The following GRIP1 variants were observed in gnomAD, a reference collection of about 807,000 sequenced individuals.
The protein encoded by GRIP1 is glutamate receptor-interacting protein 1.
In GRIP1, 45 loss-of-function variants were observed where a neutral mutation model predicts 129.9. The observed-to-expected ratio is 0.35, with a 90% confidence interval of 0.27 to 0.44. The LOEUF is 0.44. Among genes scored for constraint, GRIP1 ranks in the 20% least tolerant of loss-of-function variants. The pLI is 1.00. For missense variants in GRIP1, 1,196 were observed against 1,396.8 expected (o/e 0.86, Z 2.29); for synonymous variants, 530 against 520.8 (o/e 1.02, Z -0.24).
At chr12:66,844,885 C>A (rs2039785907) in intron 1 of GRIP1, among the ~76,000 whole-genome samples, 1 of 152,076 alleles carries the variant, frequency 6.6e-6, no homozygotes, top group African/African-American at 2.4e-5. Context: ...CACATGATTC[C>A]ATTTATATGA....
chr12:66,462,973 C>T lies in GRIP1; in HGVS notation c.993G>A (p.Glu331=). Residue 331 remains glutamate, a synonymous_variant, in exon 9 of 25, where the codon GAG becomes GAA. Coordinates refer to ENST00000359742, the MANE Select transcript of GRIP1 (RefSeq NM_001366722.1). The part of the protein sequence containing the change: ...LANTTDQVKL[E]ILPHHQTRLA... ...GCCGGGTCTGATGATGGGGAAGGAT[C>T]TCAAGCTTGACCTGGTCAGTGGTGT... The T allele has an allele frequency of 6.2e-7, 1 of 1,614,026 alleles. No individual in the cohort carries two copies. The highest frequency in any genetic ancestry group is 8.5e-7 in the Non-Finnish European group (1 of 1,179,998).
intron 1 of GRIP1, among the ~76,000 whole-genome samples, chr12:66,958,674 C>T (rs889854854): frequency 4.6e-5 from 7 of 152,130 alleles, no homozygotes; most frequent in African/African-American, 1.7e-4. Flanking sequence ...GCATAATATT[C>T]CACTGTGTGG....
At chr12:66,440,499 C>T (rs2058443045) in intron 13 of GRIP1, among the ~76,000 whole-genome samples, 1 of 152,186 alleles carries the variant, frequency 6.6e-6, no homozygotes, top group South Asian at 2.1e-4. Context: ...CATCTTTCTA[C>T]TCTCTGTCTC....
rs1010196266 is a variant in GRIP1 at position 66,412,179 on chromosome 12, T to C, written c.1839-5751A>G. Among the ~76,000 whole-genome samples the C allele has an allele frequency of 3.9e-5, 6 of 152,126 alleles. No individual in the cohort carries two copies. The East Asian group carries it at 7.7e-4, about 20-fold the overall frequency. ...AGATCAACCCCAAGACACATAATCG[T>C]TGGATTCTCCAAGGTCGAAATGAAA... On this transcript the variant is annotated intron_variant, in intron 15 of 24. Transcript: ENST00000359742.
At chr12:66,707,504 A>G (rs1203706989) in intron 1 of GRIP1, among the ~76,000 whole-genome samples, 8 of 54,960 alleles carry the variant, frequency 1.5e-4, no homozygotes, top group African/African-American at 4.7e-4. Context: ...ATCACTGACT[A>G]AAAAAAAAAA....
intron 1 of GRIP1, among the ~76,000 whole-genome samples, chr12:66,749,997 T>C (rs989115791): frequency 2.0e-5 from 3 of 152,216 alleles, no homozygotes; most frequent in Admixed American, 1.3e-4. Flanking sequence ...TGAGGTAATC[T>C]GTACTGATTC....
At chr12:67,039,363 T>C (rs189340390) in intron 1 of GRIP1, among the ~76,000 whole-genome samples, 1 of 152,262 alleles carries the variant, frequency 6.6e-6, no homozygotes, top group Admixed American at 6.5e-5. Flanking sequence ...ACAAAAAAAA[T>C]TCTAAATAGT....
At chr12:66,528,137 T>TTTTTTTTTG (rs1565829926) in intron 5 of GRIP1, among the ~76,000 whole-genome samples, 8 of 98,166 alleles carry the variant, frequency 8.1e-5, no homozygotes, top group South Asian at 3.4e-4. Flanking sequence ...TTAGTAGGTT[T>TTTTTTTTTG]TTTTTTTTTT....
intron 1 of GRIP1, among the ~76,000 whole-genome samples, chr12:66,859,807 G>A (rs1030375127): frequency 2.0e-5 from 3 of 152,066 alleles, no homozygotes; most frequent in African/African-American, 7.2e-5. Context: ...ACACTAACTA[G>A]CAGGCAGCAC....
chr12:66,823,238 C>T (rs2039351742), intron 1 of GRIP1, among the ~76,000 whole-genome samples: 1 of 152,092 alleles, frequency 6.6e-6, no homozygotes, highest in Non-Finnish European at 1.5e-5. Flanking sequence ...ATGTAAATAT[C>T]TTGAATATCA....
intron 1 of GRIP1, among the ~76,000 whole-genome samples, chr12:66,936,504 A>G (rs118099430): frequency 0.017 from 2,502 of 149,948 alleles, 40 homozygotes; most frequent in Middle Eastern, 0.046. Flanking sequence ...CTGGTCCTTT[A>G]TGTCTCTTCA....
At chr12:66,371,158 A>T (rs1363693668) in intron 23 of GRIP1, among the ~76,000 whole-genome samples, 6 of 134,988 alleles carry the variant, frequency 4.4e-5, no homozygotes, top group Non-Finnish European at 7.8e-5. Context: ...GCCATAAATA[A>T]TTTTTTTTTT....
intron 1 of GRIP1, among the ~76,000 whole-genome samples, chr12:66,915,249 T>A (rs951158318): frequency 2.6e-5 from 4 of 152,096 alleles, no homozygotes; most frequent in African/African-American, 9.7e-5. Context: ...ACTGACTAAG[T>A]GAGGAAAATG....
intron 2 of GRIP1, among the ~76,000 whole-genome samples, chr12:66,555,736 A>T (rs1012167410): frequency 6.6e-6 from 1 of 152,124 alleles, no homozygotes; most frequent in Admixed American, 6.5e-5. Flanking sequence ...AATTAAAAAG[A>T]ATTGAGCAGA....
chr12:66,642,445 A>G (rs2032019952), intron 1 of GRIP1, among the ~76,000 whole-genome samples: 1 of 151,790 alleles, frequency 6.6e-6, no homozygotes, highest in Non-Finnish European at 1.5e-5. Context: ...GGGCAGAGAG[A>G]GAAATTGAAG....
At chr12:66,478,120 A>T (rs1476671373) in intron 7 of GRIP1, among the ~76,000 whole-genome samples, 2 of 152,242 alleles carry the variant, frequency 1.3e-5, no homozygotes, top group Admixed American at 1.3e-4. Context: ...AATTTTTGCA[A>T]TCTACCCATC....
At chr12:66,639,271 T>C (rs4587801) in intron 1 of GRIP1, among the ~76,000 whole-genome samples, 29,967 of 151,914 alleles carry the variant, frequency 0.2, 3,076 homozygotes, top group Non-Finnish European at 0.23. Context: ...AAGAAGTGAG[T>C]ACTGAGGCAG....
intron 7 of GRIP1, among the ~76,000 whole-genome samples, chr12:66,471,644 C>A (rs1468990159): frequency 6.6e-6 from 1 of 152,190 alleles, no homozygotes; most frequent in Non-Finnish European, 1.5e-5. Context: ...AGAAAGTCTA[C>A]TAGTCTCTAT....
intron 15 of GRIP1, among the ~76,000 whole-genome samples, chr12:66,409,861 T>A (rs963375944): frequency 3.9e-5 from 6 of 152,126 alleles, no homozygotes; most frequent in Non-Finnish European, 5.9e-5. Flanking sequence ...AAAATAATTT[T>A]AAAAAATCCA....
Sources: gnomAD v4.1 joint callset for allele counts (sites outside exome capture counted in the v4.1 genomes callset) on GRCh38, gnomAD v4.1.1 for gene constraint, MANE v1.5 for transcripts, NCBI Gene and HGNC (gene_info 2026-07-23, HGNC 2026-07-21) for gene names.